Variants in PPP1CB observed in about 807,000 individuals in gnomAD.
The protein encoded by PPP1CB is serine/threonine-protein phosphatase PP1-beta catalytic subunit.
Under a neutral mutation model 43.7 loss-of-function variants are expected in PPP1CB, and 2 were observed. That is an observed-to-expected ratio of 0.05 (90% CI 0.02 to 0.14). PPP1CB has a LOEUF of 0.14. Among genes scored for constraint, PPP1CB ranks in the 10% least tolerant of loss-of-function variants. The pLI, the probability that PPP1CB is intolerant of heterozygous loss-of-function variation, is 1.00. For missense variants in PPP1CB, 84 were observed against 398.0 expected (o/e 0.21, Z 6.71); for synonymous variants, 136 against 135.6 (o/e 1.00, Z -0.02).
At chr2:28,762,916 A>G (rs1167384806) in intron 1 of PPP1CB, among the ~76,000 whole-genome samples, 1 of 152,238 alleles carries the variant, frequency 6.6e-6, no homozygotes, top group Non-Finnish European at 1.5e-5. Flanking sequence ...CAAGGTTTCT[A>G]GAATTTTAGT....
chr2:28,784,046 G>C (rs1289775127), intron 5 of PPP1CB, 68 bp downstream of exon 5: 1 of 1,213,350 alleles, frequency 8.2e-7, no homozygotes, highest in African/African-American at 1.5e-5. Context: ...ATTACATTTA[G>C]TGGAAGTAGG....
chr2:28,780,084 C>CTTTTTTTTT (rs10559224), intron 3 of PPP1CB, among the ~76,000 whole-genome samples: 117 of 131,816 alleles, frequency 8.9e-4, no homozygotes, highest in Non-Finnish European at 1.1e-3. Flanking sequence ...TCTTTTCTTT[C>CTTTTTTTTT]TTTTTTTTTT....
At chr2:28,756,103 G>A (rs750212102) in intron 1 of PPP1CB, among the ~76,000 whole-genome samples, 1 of 152,146 alleles carries the variant, frequency 6.6e-6, no homozygotes, top group African/African-American at 2.4e-5. Context: ...TTTTCATGTA[G>A]TATTACATCA....
In PPP1CB at chr2:28,799,379, C is replaced by G; in HGVS notation, c.*76C>G. Reference sequence around the variant, plus strand: ...TAATATATAAGTGTGCACTGTAAAACCATCCAGCCATTTGACACCCTTTAT... The same window carrying G: ...TAATATATAAGTGTGCACTGTAAAAGCATCCAGCCATTTGACACCCTTTAT... On this transcript the variant is annotated 3_prime_UTR_variant, in exon 8 of 8. Coordinates refer to ENST00000395366, the MANE Select transcript of PPP1CB (RefSeq NM_002709.3). 1 of 1,183,978 alleles carries G rather than the reference C, an allele frequency of 8.4e-7. No individual in the cohort carries two copies. Among genetic ancestry groups the G allele is most frequent in the Non-Finnish European group, 1.2e-6 (1 of 817,506 alleles). 73.3% of individuals were successfully genotyped at this position (1,183,978 alleles called of 1,614,324 possible).
chr2:28,758,786 G>C (rs1666549587), intron 1 of PPP1CB, among the ~76,000 whole-genome samples: 1 of 152,146 alleles, frequency 6.6e-6, no homozygotes, highest in Non-Finnish European at 1.5e-5. Context: ...ACCCTCCCTT[G>C]CCAAATTTAC....
At chr2:28,772,963 T>C (rs1666946374) in intron 1 of PPP1CB, among the ~76,000 whole-genome samples, 1 of 152,204 alleles carries the variant, frequency 6.6e-6, no homozygotes, top group East Asian at 1.9e-4. Context: ...AGCATTCTTA[T>C]GTTTCTTTTT....
chr2:28,772,283 G>A (rs916714604), intron 1 of PPP1CB, among the ~76,000 whole-genome samples: 10 of 152,022 alleles, frequency 6.6e-5, no homozygotes, highest in African/African-American at 2.2e-4. Flanking sequence ...CCTGGGTGAC[G>A]GAGCGAGACT....
At chr2:28,780,408 T>G (rs1044276763) in intron 3 of PPP1CB, among the ~76,000 whole-genome samples, 2 of 152,182 alleles carry the variant, frequency 1.3e-5, no homozygotes, top group Non-Finnish European at 2.9e-5. Context: ...TACATTCTAA[T>G]AGAAATGATT....
chr2:28,763,426 TATC>T (rs953752942), intron 1 of PPP1CB, among the ~76,000 whole-genome samples: 1 of 150,968 alleles, frequency 6.6e-6, no homozygotes, highest in Admixed American at 6.6e-5. Flanking sequence ...GCTTTTGTAT[TATC>T]AAAGCAGATG....
chr2:28,778,542 T>A, intron 2 of PPP1CB: 1 of 497,948 alleles, frequency 2.0e-6, no homozygotes, highest in Non-Finnish European at 3.9e-6. Flanking sequence ...CTTTGCTACG[T>A]GGGATGCTTC....
At chr2:28,765,042 T>G (rs1558299175) in intron 1 of PPP1CB, among the ~76,000 whole-genome samples, 1 of 152,132 alleles carries the variant, frequency 6.6e-6, no homozygotes, top group Admixed American at 6.6e-5. Context: ...AGCATAAGGT[T>G]AGTGAAAAGT....
In PPP1CB at chr2:28,751,997, G is replaced by C. The variant is rs1666299990; in HGVS notation, c.-128G>C. ...GGGTGGGGGGAGGGCCCGGGAAAAG[G>C]GGGAGTTGGAGCCGGGGTCGAAACG... On this transcript the variant is annotated 5_prime_UTR_variant, in exon 1 of 8. Transcript: ENST00000395366. 1 of 878,332 alleles carries C rather than the reference G, an allele frequency of 1.1e-6. No individual in the cohort carries two copies. Among genetic ancestry groups the C allele is most frequent in the Non-Finnish European group, 1.9e-6 (1 of 536,956 alleles). The allele number at this position is 878,332 out of a possible 1,614,324, so 54.4% of individuals were successfully genotyped here.
rs139304991 is a variant in PPP1CB, at chr2:28,788,914, A to G, written c.744+105A>G. On this transcript the variant is annotated intron_variant, in intron 6 of 7. Transcript: ENST00000395366. ...GTTCTGTCACCCAGGCTGGAGTGCA[A>G]TGGCGCAATCTCTGCTCACTGCAAC... 2.1e-5 allele frequency: 25 copies of G among 1,183,658 alleles called. No homozygotes were observed. The South Asian group carries it at 2.6e-4, about 12-fold the overall frequency. 73.3% of individuals were successfully genotyped at this position (1,183,658 alleles called of 1,614,324 possible). A position where few individuals can be genotyped will look rare whatever the true frequency, so the allele number is the denominator to read the frequency against.
intron 1 of PPP1CB, among the ~76,000 whole-genome samples, chr2:28,773,418 T>A (rs1666956710): frequency 6.6e-6 from 1 of 152,226 alleles, no homozygotes; most frequent in African/African-American, 2.4e-5. Flanking sequence ...CTGGGCACTG[T>A]GATCTTATGC....
At chr2:28,776,594 C>A (rs548618586) in intron 1 of PPP1CB, among the ~76,000 whole-genome samples, 1 of 152,150 alleles carries the variant, frequency 6.6e-6, no homozygotes, top group Non-Finnish European at 1.5e-5. Context: ...CTACTAGGCC[C>A]CAGGTTGGTC....
intron 1 of PPP1CB, among the ~76,000 whole-genome samples, chr2:28,754,670 A>G (rs910064711): frequency 6.6e-6 from 1 of 152,350 alleles, no homozygotes; most frequent in South Asian, 2.1e-4. Context: ...TGTCCAGAGC[A>G]GACTTGAATT....
chr2:28,754,970 AC>A (rs1666449104), intron 1 of PPP1CB, among the ~76,000 whole-genome samples: 1 of 152,216 alleles, frequency 6.6e-6, no homozygotes, highest in South Asian at 2.1e-4. Context: ...GATCAGCTAT[AC>A]ACACTTCTGG....
chr2:28,757,824 G>A (rs1666528196), intron 1 of PPP1CB, among the ~76,000 whole-genome samples: 1 of 152,034 alleles, frequency 6.6e-6, no homozygotes. Flanking sequence ...CTATCTGAAT[G>A]CAGACCTGGA....
chr2:28,800,171 C>T lies in PPP1CB; in HGVS notation c.*868C>T, dbSNP rs180700680. 2.7e-5 allele frequency: 4 copies of T among 148,746 alleles called. No homozygotes were observed. In the Admixed American group the frequency reaches 2.7e-4, roughly 10 times the overall value. The allele number at this position is 148,746 out of a possible 1,614,324, so 9.2% of individuals were successfully genotyped here. A position where few individuals can be genotyped will look rare whatever the true frequency, so the allele number is the denominator to read the frequency against. Reference sequence around the variant, plus strand: ...TTCGCACGGAACACCTTTTGGCATGCTTAACTTCCTGGTAACACCTTCACC... The same window carrying T: ...TTCGCACGGAACACCTTTTGGCATGTTTAACTTCCTGGTAACACCTTCACC... On this transcript the variant is annotated 3_prime_UTR_variant, in exon 8 of 8. Coordinates refer to ENST00000395366, the MANE Select transcript of PPP1CB (RefSeq NM_002709.3).
Sources: gnomAD v4.1 joint callset for allele counts (sites outside exome capture counted in the v4.1 genomes callset) on GRCh38, gnomAD v4.1.1 for gene constraint, MANE v1.5 for transcripts, NCBI Gene and HGNC (gene_info 2026-07-23, HGNC 2026-07-21) for gene names.